The following KIF26B variants were observed in gnomAD, a reference collection of about 807,000 sequenced individuals.
KIF26B encodes the protein kinesin family member 26B, also known as kinesin-like protein KIF26B.
A neutral mutation model predicts 151.2 loss-of-function variants in KIF26B; 63 were observed. The ratio of observed to expected loss-of-function variants is 0.42; its 90% confidence interval spans 0.34 to 0.51. The LOEUF is 0.51. KIF26B is among the 20% of genes least tolerant of loss of function. The probability of loss-of-function intolerance (pLI) is 0.07; values close to 1 mark genes in which losing one functional copy is unlikely to be tolerated. For synonymous variants in KIF26B, 1,357 were observed against 1,262.1 expected, an observed-to-expected ratio of 1.08 and a Z score of -1.59; for missense variants, 2,813 against 2,913.6, an observed-to-expected ratio of 0.97 and a Z score of 0.79.
intron 2 of KIF26B, among the ~76,000 whole-genome samples, chr1:245,194,015 A>G (rs1192853476): frequency 2.0e-5 from 3 of 152,240 alleles, no homozygotes; most frequent in Admixed American, 1.3e-4. Flanking sequence ...CTTTCCATGG[A>G]CTTTTGAAAA....
chr1:245,492,349 T>C (rs976666685), intron 4 of KIF26B, among the ~76,000 whole-genome samples: 1 of 152,238 alleles, frequency 6.6e-6, no homozygotes, highest in African/African-American at 2.4e-5. Flanking sequence ...AGATGATATC[T>C]ACAAGCTTTA....
At chr1:245,431,960 G>C (rs1411890224) in intron 4 of KIF26B, among the ~76,000 whole-genome samples, 4 of 151,950 alleles carry the variant, frequency 2.6e-5, no homozygotes. Flanking sequence ...TGACCTCCTT[G>C]CTTTTCCTCT....
intron 2 of KIF26B, among the ~76,000 whole-genome samples, chr1:245,350,355 C>T (rs573597350): frequency 1.2e-4 from 19 of 152,160 alleles, no homozygotes; most frequent in Admixed American, 7.9e-4. Context: ...ACTCACCAAG[C>T]GGCAGGTCCT....
At chr1:245,625,440 A>G (rs138738031) in intron 9 of KIF26B, among the ~76,000 whole-genome samples, 234 of 152,260 alleles carry the variant, frequency 1.5e-3, no homozygotes, top group Non-Finnish European at 2.7e-3. Context: ...TTAGGTTTTT[A>G]TTAGTTCCCT....
chr1:245,172,636 C>G (rs186756095), intron 2 of KIF26B, among the ~76,000 whole-genome samples: 1 of 152,226 alleles, frequency 6.6e-6, no homozygotes, highest in East Asian at 1.9e-4. Context: ...ATGGTGAAAC[C>G]CCATCTCTAC....
intron 2 of KIF26B, among the ~76,000 whole-genome samples, chr1:245,173,996 T>C (rs1049640468): frequency 2.0e-5 from 3 of 152,222 alleles, no homozygotes; most frequent in Non-Finnish European, 2.9e-5. Flanking sequence ...AGTAAACACA[T>C]TGAGCCGGCA....
intron 7 of KIF26B, 44 bp from the exon 8 acceptor site, chr1:245,609,222 C>G: frequency 6.5e-7 from 1 of 1,541,726 alleles, no homozygotes; most frequent in Non-Finnish European, 8.8e-7. Flanking sequence ...TGGAATGATG[C>G]CTGGACACTG....
In KIF26B at chr1:245,367,068, C is replaced by T. The variant is rs771458523; in HGVS notation, c.700C>T (p.Arg234Trp). ...LSNIPTLVGS[R>W]HVGGLQQPRD... Reference sequence around the variant, plus strand: ...CAACATCCCCACCCTGGTGGGGTCCCGGCACGTGGGTGGGCTCCAGCAGCC... The same window carrying T: ...CAACATCCCCACCCTGGTGGGGTCCTGGCACGTGGGTGGGCTCCAGCAGCC... The change falls in exon 3 of 15, where the codon CGG becomes TGG. Residue 234 changes from arginine (R) to tryptophan (W), a missense_variant. By Grantham distance (101) the Arg-to-Trp change is moderately radical (BLOSUM62 -3). Transcript: ENST00000407071. This position sits in a 1 kb window ranked among gnomAD's most constrained non-coding sequence, Gnocchi z 4.2. 27 of 1,603,438 alleles carry T rather than the reference C, an allele frequency of 1.7e-5. No individual in the cohort carries two copies. The highest frequency in any genetic ancestry group is 4.5e-5 in the East Asian group (2 of 44,272).
At chr1:245,248,626 A>G (rs1670381942) in intron 2 of KIF26B, among the ~76,000 whole-genome samples, 1 of 152,234 alleles carries the variant, frequency 6.6e-6, no homozygotes, top group African/African-American at 2.4e-5. Flanking sequence ...TCTTCACAGC[A>G]GGCTCCGATA....
At chr1:245,487,265 A>G (rs140938856) in intron 4 of KIF26B, among the ~76,000 whole-genome samples, 1 of 152,348 alleles carries the variant, frequency 6.6e-6, no homozygotes, top group Non-Finnish European at 1.5e-5. Context: ...TTGGTGGCCC[A>G]TATGTATCTA....
chr1:245,371,487 T>C (rs1572028798), intron 3 of KIF26B: 2 of 152,140 alleles, frequency 1.3e-5, no homozygotes, highest in East Asian at 3.9e-4. Flanking sequence ...ACCTTGTCAC[T>C]ACCAAGGGTG....
intron 4 of KIF26B, among the ~76,000 whole-genome samples, chr1:245,479,411 G>A (rs1294871101): frequency 6.6e-6 from 1 of 151,766 alleles, no homozygotes; most frequent in Non-Finnish European, 1.5e-5. Flanking sequence ...TATCTTAGAG[G>A]CATATGCATC....
intron 2 of KIF26B, among the ~76,000 whole-genome samples, chr1:245,364,107 G>A (rs919475420): frequency 6.6e-6 from 1 of 152,188 alleles, no homozygotes; most frequent in Admixed American, 6.5e-5. Context: ...CTCAGAGAAC[G>A]GGTGTTGTTC....
At chr1:245,246,261 A>T (rs1670329147) in intron 2 of KIF26B, among the ~76,000 whole-genome samples, 1 of 152,186 alleles carries the variant, frequency 6.6e-6, no homozygotes, top group Non-Finnish European at 1.5e-5. Context: ...CCTTTCAGAA[A>T]GTTCCACTTT....
At chr1:245,674,114 A>G (rs1254605686) in intron 10 of KIF26B, among the ~76,000 whole-genome samples, 1 of 152,204 alleles carries the variant, frequency 6.6e-6, no homozygotes, top group Non-Finnish European at 1.5e-5. Context: ...TAGTACAATG[A>G]GCTCATCTTG....
chr1:245,494,899 G>A (rs1483197577), intron 4 of KIF26B, among the ~76,000 whole-genome samples: 1 of 152,092 alleles, frequency 6.6e-6, no homozygotes, highest in Non-Finnish European at 1.5e-5. Context: ...AATTAGCCAG[G>A]CATGGTGGCG....
chr1:245,181,977 C>A (rs963140349), intron 2 of KIF26B, among the ~76,000 whole-genome samples: 2 of 152,130 alleles, frequency 1.3e-5, no homozygotes, highest in Admixed American at 1.3e-4. Flanking sequence ...TATTGAGATA[C>A]AATTTATGTG....
chr1:245,594,327 A>G lies in KIF26B; in HGVS notation c.1351-8250A>G, dbSNP rs375544203. ...GTCTTACATTTAAGTCTTTAATCCA[A>G]CTTGAGTTACTTTTTGTATAAGGTA... On this transcript the variant is annotated intron_variant, in intron 5 of 14. Transcript: ENST00000407071. 5.3e-5 allele frequency among the ~76,000 whole-genome samples: 8 copies of G among 152,210 alleles called. No individual in the cohort carries two copies. In the East Asian group the frequency reaches 7.7e-4, roughly 15 times the overall value.
chr1:245,679,469 T>G (rs1260285044), intron 10 of KIF26B, among the ~76,000 whole-genome samples: 17 of 127,874 alleles, frequency 1.3e-4, no homozygotes, highest in African/African-American at 4.1e-4. Context: ...TTTTTTTTTT[T>G]TTTTTTTTTT....
Sources: allele counts gnomAD v4.1 joint callset (sites outside exome capture counted in the v4.1 genomes callset), GRCh38; gene constraint gnomAD v4.1.1; non-coding constraint Gnocchi (gnomAD v3.1); transcripts MANE v1.5; gene names NCBI Gene and HGNC (gene_info 2026-07-23, HGNC 2026-07-21).